The following FBXW7 variants were observed in gnomAD, a reference collection of about 807,000 sequenced individuals.
FBXW7 encodes the protein F-box/WD repeat-containing protein 7.
Under a neutral mutation model 86.3 loss-of-function variants are expected in FBXW7, and 11 were observed. The observed-to-expected ratio is 0.13, with a 90% confidence interval of 0.08 to 0.21. The LOEUF is 0.21. Among genes scored for constraint, FBXW7 ranks in the 10% least tolerant of loss-of-function variants. The probability of loss-of-function intolerance (pLI) is 1.00; values close to 1 mark genes in which losing one functional copy is unlikely to be tolerated. For missense variants in FBXW7, 488 were observed against 847.4 expected (o/e 0.58, Z 5.27); for synonymous variants, 313 against 297.9 (o/e 1.05, Z -0.52).
intron 2 of FBXW7, among the ~76,000 whole-genome samples, chr4:152,511,126 C>A (rs749311154): frequency 6.6e-6 from 1 of 151,642 alleles, no homozygotes; most frequent in Non-Finnish European, 1.5e-5. Context: ...CATCTTCCCA[C>A]CTCAGATGAT....
chr4:152,364,972 T>C (rs1733331435), intron 4 of FBXW7, among the ~76,000 whole-genome samples: 2 of 152,324 alleles, frequency 1.3e-5, no homozygotes, highest in South Asian at 4.1e-4. Context: ...AAACTAAGTC[T>C]TGTGTCTGTT....
intron 4 of FBXW7, among the ~76,000 whole-genome samples, chr4:152,392,345 G>A (rs1736062537): frequency 6.6e-6 from 1 of 152,110 alleles, no homozygotes. Context: ...CACCTTGCTT[G>A]CTGGAACACT....
At chr4:152,429,973 T>G (rs1739744841) in intron 2 of FBXW7, among the ~76,000 whole-genome samples, 1 of 151,998 alleles carries the variant, frequency 6.6e-6, no homozygotes, top group Non-Finnish European at 1.5e-5. Flanking sequence ...GGCTTTGTTG[T>G]TGTTGTTGTT....
At chr4:152,349,755 T>G (rs974167319) in intron 5 of FBXW7, among the ~76,000 whole-genome samples, 1 of 151,904 alleles carries the variant, frequency 6.6e-6, no homozygotes, top group Non-Finnish European at 1.5e-5. Context: ...ATTCATATTT[T>G]ATGGTTTACT....
chr4:152,355,293 T>C (rs1732257768), intron 4 of FBXW7, among the ~76,000 whole-genome samples: 1 of 152,112 alleles, frequency 6.6e-6, no homozygotes, highest in African/African-American at 2.4e-5. Flanking sequence ...AAAATTTTTA[T>C]GGGTTTGTGT....
intron 2 of FBXW7, among the ~76,000 whole-genome samples, chr4:152,508,069 CAAAAA>C (rs1747594079): frequency 6.8e-6 from 1 of 148,060 alleles, no homozygotes; most frequent in Non-Finnish European, 1.5e-5. Flanking sequence ...GACCCTGACT[CAAAAA>C]GAAAAAAAAA....
chr4:152,462,587 G>A (rs1402515590), intron 2 of FBXW7, among the ~76,000 whole-genome samples: 4 of 152,162 alleles, frequency 2.6e-5, no homozygotes, highest in Non-Finnish European at 4.4e-5. Context: ...GACAGGAGGC[G>A]AAAATGCACC....
At chr4:152,452,626 T>C (rs1267576547) in intron 2 of FBXW7, among the ~76,000 whole-genome samples, 1 of 152,172 alleles carries the variant, frequency 6.6e-6, no homozygotes, top group Non-Finnish European at 1.5e-5. Context: ...TAAATACACG[T>C]TGAAAAAGAA....
intron 4 of FBXW7, among the ~76,000 whole-genome samples, chr4:152,358,446 T>G (rs558169445): frequency 5.9e-5 from 9 of 152,070 alleles, no homozygotes; most frequent in Non-Finnish European, 1.2e-4. Flanking sequence ...TTTAAAATTC[T>G]GGGATTAATT....
At chr4:152,349,105 G>A (rs1347904218) in intron 5 of FBXW7, among the ~76,000 whole-genome samples, 3 of 151,872 alleles carry the variant, frequency 2.0e-5, no homozygotes, top group Non-Finnish European at 4.4e-5. Flanking sequence ...CTCTGTAAGA[G>A]GCACAATCTG....
chr4:152,428,814 T>G (rs932584119), intron 2 of FBXW7, among the ~76,000 whole-genome samples: 1 of 152,230 alleles, frequency 6.6e-6, no homozygotes, highest in Non-Finnish European at 1.5e-5. Context: ...GATTTTGTTG[T>G]TTTGCCTAAA....
chr4:152,408,259 T>C (rs1475175336), intron 4 of FBXW7, among the ~76,000 whole-genome samples: 4 of 152,330 alleles, frequency 2.6e-5, no homozygotes, highest in African/African-American at 7.2e-5. Flanking sequence ...TTGTTTTTCA[T>C]GTTAGTAGAA....
intron 2 of FBXW7, among the ~76,000 whole-genome samples, chr4:152,461,830 G>GT (rs1389480497): frequency 3.3e-5 from 5 of 152,148 alleles, no homozygotes; most frequent in African/African-American, 1.2e-4. Context: ...GCAAACTTCA[G>GT]TAAGTCCTCA....
chr4:152,373,122 G>A (rs1333996292), intron 4 of FBXW7, among the ~76,000 whole-genome samples: 1 of 152,006 alleles, frequency 6.6e-6, no homozygotes, highest in African/African-American at 2.4e-5. Flanking sequence ...TTCCTGCAGT[G>A]GCTGTGATGC....
chr4:152,444,280 C>G (rs1240393879), intron 2 of FBXW7, among the ~76,000 whole-genome samples: 1 of 151,676 alleles, frequency 6.6e-6, no homozygotes, highest in Non-Finnish European at 1.5e-5. Context: ...AAAATCTTCC[C>G]CATATAACAT....
chr4:152,409,380 C>T (rs1737722299), intron 4 of FBXW7, among the ~76,000 whole-genome samples: 1 of 152,098 alleles, frequency 6.6e-6, no homozygotes, highest in South Asian at 2.1e-4. Flanking sequence ...TAAAGCTCTT[C>T]CAAAATAAAG....
intron 4 of FBXW7, among the ~76,000 whole-genome samples, chr4:152,375,428 G>C (rs761379167): frequency 1.3e-5 from 2 of 151,932 alleles, no homozygotes; most frequent in Admixed American, 1.3e-4. Context: ...TAAAAACACA[G>C]ATCACAGTTT....
At chr4:152,499,165 GACA>G (rs1468503601) in intron 2 of FBXW7, among the ~76,000 whole-genome samples, 2 of 152,066 alleles carry the variant, frequency 1.3e-5, no homozygotes, top group African/African-American at 2.4e-5. Flanking sequence ...CTGAGCCTAG[GACA>G]ACAAGGCTCA....
intron 2 of FBXW7, among the ~76,000 whole-genome samples, chr4:152,534,604 A>G (rs1750323231): frequency 6.6e-6 from 1 of 152,156 alleles, no homozygotes; most frequent in African/African-American, 2.4e-5. Context: ...CACCCACAGT[A>G]CCAGGAAAAG....
Sources: gnomAD v4.1 joint callset for allele counts (sites outside exome capture counted in the v4.1 genomes callset) on GRCh38, gnomAD v4.1.1 for gene constraint, MANE v1.5 for transcripts, NCBI Gene and HGNC (gene_info 2026-07-23, HGNC 2026-07-21) for gene names.